Variants in QKI observed in about 807,000 individuals in gnomAD.
QKI encodes QKI, KH domain containing RNA binding.
QKI carries 10 observed loss-of-function variants against 39.0 expected under a neutral mutation model. That is an observed-to-expected ratio of 0.26 (90% confidence interval 0.16 to 0.43). The LOEUF (loss-of-function observed/expected upper bound fraction) is 0.43. Ranked by LOEUF, QKI falls within the 20% of genes least tolerant of loss-of-function variation. The pLI is 1.00. For synonymous variants in QKI, 204 were observed against 155.4 expected (o/e 1.31, Z -2.33); for missense variants, 218 against 428.0 (o/e 0.51, Z 4.33).
chr6:163,428,619 A>G (rs768775317), intron 1 of QKI, among the ~76,000 whole-genome samples: 8 of 152,206 alleles, frequency 5.3e-5, no homozygotes, highest in African/African-American at 1.7e-4. Flanking sequence ...GGTAAATACT[A>G]CATAGATTGC....
At chr6:163,529,568 AG>A (rs1464104658) in intron 3 of QKI, among the ~76,000 whole-genome samples, 1 of 152,350 alleles carries the variant, frequency 6.6e-6, no homozygotes, top group African/African-American at 2.4e-5. Context: ...AGAAAGGGAA[AG>A]GAGGCATTCT....
chr6:163,552,402 G>A (rs1782289985), intron 4 of QKI, among the ~76,000 whole-genome samples: 1 of 151,964 alleles, frequency 6.6e-6, no homozygotes, highest in African/African-American at 2.4e-5. Flanking sequence ...ACTAGAGACA[G>A]GGTTTCACCG....
intron 1 of QKI, among the ~76,000 whole-genome samples, chr6:163,420,154 CTTTTTTTTT>C (rs35131240): frequency 2.1e-4 from 13 of 60,830 alleles, no homozygotes; most frequent in African/African-American, 7.2e-4. Context: ...CTTTTCTTTT[CTTTTTTTTT>C]TTTTTTTTTG....
chr6:163,533,436 T>C (rs1249707890), intron 3 of QKI, among the ~76,000 whole-genome samples: 1 of 152,248 alleles, frequency 6.6e-6, no homozygotes, highest in Non-Finnish European at 1.5e-5. Flanking sequence ...CTATACATTT[T>C]ATTTGTAAAT....
intron 2 of QKI, chr6:163,457,396 A>G (rs757034783): frequency 2.2e-6 from 1 of 455,956 alleles, no homozygotes; most frequent in Non-Finnish European, 4.4e-6. Flanking sequence ...ACTTCTTGCC[A>G]CGGTGAACTA....
chr6:163,562,433 A>G (rs1379403262), intron 5 of QKI, among the ~76,000 whole-genome samples: 2 of 152,316 alleles, frequency 1.3e-5, no homozygotes, highest in African/African-American at 4.8e-5. Flanking sequence ...CTTATTTTGA[A>G]AAAGTGAATT....
chr6:163,556,040 GGATAAGCTGCCTACC>G (rs1782579913), intron 4 of QKI, among the ~76,000 whole-genome samples: 1 of 152,096 alleles, frequency 6.6e-6, no homozygotes, highest in Non-Finnish European at 1.5e-5. Flanking sequence ...TTGTGGCTTT[GGATAAGCTGCCTACC>G]CTGCCTGAGC....
chr6:163,457,235 G>C (rs1790987778), intron 2 of QKI: 1 of 441,136 alleles, frequency 2.3e-6, no homozygotes, highest in African/African-American at 2.0e-5. Flanking sequence ...TAATCTGTCT[G>C]GTTCCATCTC....
chr6:163,484,983 A>G (rs1777554383), intron 3 of QKI, among the ~76,000 whole-genome samples: 1 of 152,220 alleles, frequency 6.6e-6, no homozygotes, highest in Non-Finnish European at 1.5e-5. Context: ...GTACAATAAA[A>G]GGAGGTATGC....
chr6:163,494,534 C>G (rs1161785456), intron 3 of QKI, among the ~76,000 whole-genome samples: 2 of 152,184 alleles, frequency 1.3e-5, no homozygotes, highest in African/African-American at 2.4e-5. Flanking sequence ...CTGAGTCACC[C>G]AAATGCTCTT....
intron 2 of QKI, among the ~76,000 whole-genome samples, chr6:163,467,444 A>G (rs1386089612): frequency 1.3e-5 from 2 of 152,242 alleles, no homozygotes; most frequent in Non-Finnish European, 2.9e-5. Context: ...TCAGTAATAA[A>G]AAACAAAACA....
chr6:163,452,727 T>A (rs1329802471), intron 1 of QKI, among the ~76,000 whole-genome samples: 1 of 151,688 alleles, frequency 6.6e-6, no homozygotes, highest in Non-Finnish European at 1.5e-5. Flanking sequence ...TTATACATTT[T>A]CTTTTTATTT....
chr6:163,433,121 T>A (rs574963428), intron 1 of QKI, among the ~76,000 whole-genome samples: 1 of 152,254 alleles, frequency 6.6e-6, no homozygotes, highest in African/African-American at 2.4e-5. Flanking sequence ...CATTTTACTT[T>A]ATCAAAGTGA....
chr6:163,471,925 A>G (rs1792221572), intron 2 of QKI, among the ~76,000 whole-genome samples: 1 of 152,156 alleles, frequency 6.6e-6, no homozygotes, highest in South Asian at 2.1e-4. Flanking sequence ...CACATAAGAA[A>G]ATAAATTCTA....
intron 2 of QKI, 85 bp from the exon 3 acceptor site, chr6:163,478,695 G>A (rs1792819462): frequency 1.2e-6 from 1 of 846,308 alleles, no homozygotes; most frequent in African/African-American, 1.7e-5. Flanking sequence ...ACTTCAGTAA[G>A]TAAATGTAGA....
chr6:163,513,186 AT>A (rs1779590515), intron 3 of QKI, among the ~76,000 whole-genome samples: 1 of 152,208 alleles, frequency 6.6e-6, no homozygotes, highest in Non-Finnish European at 1.5e-5. Flanking sequence ...GGCTTCAAGC[AT>A]CCACTGCAGG....
chr6:163,504,658 A>C (rs998923087), intron 3 of QKI, among the ~76,000 whole-genome samples: 1 of 152,166 alleles, frequency 6.6e-6, no homozygotes, highest in Non-Finnish European at 1.5e-5. Flanking sequence ...TGTCAGCTTG[A>C]ATGTTACAGG....
At chr6:163,481,276 G>A (rs1414073027) in intron 3 of QKI, among the ~76,000 whole-genome samples, 1 of 152,084 alleles carries the variant, frequency 6.6e-6, no homozygotes, top group Non-Finnish European at 1.5e-5. Context: ...TATATAATGT[G>A]TATATCTATA....
chr6:163,570,055 G>A (rs893851311), intron 7 of QKI: 3 of 986,176 alleles, frequency 3.0e-6, no homozygotes, highest in Non-Finnish European at 3.6e-6. Context: ...CTACAGTTTA[G>A]TATCGCTTTG....
Sources: gnomAD v4.1 joint callset for allele counts (sites outside exome capture counted in the v4.1 genomes callset) on GRCh38, gnomAD v4.1.1 for gene constraint, MANE v1.5 for transcripts, NCBI Gene and HGNC (gene_info 2026-07-23, HGNC 2026-07-21) for gene names.